Variants in PPARA observed in about 807,000 individuals in gnomAD.
PPARA encodes peroxisome proliferator-activated receptor alpha.
In PPARA, 22 loss-of-function variants were observed where a neutral mutation model predicts 42.2. The observed-to-expected ratio is 0.52, with a 90% CI of 0.37 to 0.74. The LOEUF (loss-of-function observed/expected upper bound fraction) is 0.74, where lower values mean the gene tolerates loss of function less well. Ranked by LOEUF, PPARA falls within the 30% of genes least tolerant of loss-of-function variation. The pLI, the probability that PPARA is intolerant of heterozygous loss-of-function variation, is 0.00. For synonymous variants in PPARA, 242 were observed against 239.3 expected (o/e 1.01, Z -0.10); for missense variants, 465 against 608.2 (o/e 0.76, Z 2.48).
intron 3 of PPARA, among the ~76,000 whole-genome samples, chr22:46,178,479 GGA>G (rs1246848055): frequency 9.9e-5 from 15 of 152,230 alleles, no homozygotes; most frequent in African/African-American, 3.6e-4. Context: ...TGCAGTGCAG[GGA>G]GAGGGGAAAC....
At chr22:46,201,647 C>T (rs753740905) in intron 4 of PPARA, among the ~76,000 whole-genome samples, 9 of 152,106 alleles carry the variant, frequency 5.9e-5, no homozygotes, top group Admixed American at 1.3e-4. Flanking sequence ...CCTCACACCT[C>T]GGCTTGCCTA....
In PPARA at chr22:46,170,125, A is replaced by G. The variant is rs1336742888; in HGVS notation, c.-126-6628A>G. On this transcript the variant is annotated intron_variant, in intron 2 of 8. Transcript: ENST00000407236. ...GCATTCATCTTTGTTTTTTTTTTTT[A>G]GAAAAACATTTGTTCTGCAACCAGT... Among the ~76,000 whole-genome samples, 3 of 145,414 alleles carry G rather than the reference A, an allele frequency of 2.1e-5. No homozygotes were observed. In the East Asian group the frequency reaches 6.1e-4, roughly 29 times the overall value.
chr22:46,235,989 T>A lies in PPARA; in HGVS notation c.*609T>A. ...TTGGGCCAGGCACAGTCGCTCATACTTGTAATCCCAGCACTTTGGGAGGCC... is the reference window on the plus strand; with the variant it reads ...TTGGGCCAGGCACAGTCGCTCATACATGTAATCCCAGCACTTTGGGAGGCC... On this transcript the variant is annotated 3_prime_UTR_variant, in exon 9 of 9. Transcript: ENST00000407236. The surrounding 1 kb of genome is among the most constrained non-coding windows in gnomAD (Gnocchi z 7.0). 1 of 157,208 alleles carries A rather than the reference T, an allele frequency of 6.4e-6. No individual in the cohort carries two copies. Among genetic ancestry groups the A allele is most frequent in the Non-Finnish European group, 1.4e-5 (1 of 71,022 alleles). 9.7% of individuals were successfully genotyped at this position (157,208 alleles called of 1,614,324 possible). A position where few individuals can be genotyped will look rare whatever the true frequency, so the allele number is the denominator to read the frequency against.
rs1240772516 is a variant in PPARA, at chr22:46,231,220, AT to A, written c.712-556del. ...TACAGGCACACACTATGCCTGGCTA[AT>A]TTTTTTTTTTTTTTTGAGACGGAGT... On this transcript the variant is annotated intron_variant, in intron 7 of 8. Coordinates refer to ENST00000407236, the MANE Select transcript of PPARA (RefSeq NM_005036.6). The surrounding 1 kb of genome is among the most constrained non-coding windows in gnomAD (Gnocchi z 7.7). 0.014 allele frequency among the ~76,000 whole-genome samples: 1,776 copies of A among 129,814 alleles called. 13 individuals are homozygous for A. The highest frequency in any genetic ancestry group is 0.03 in the Middle Eastern group (7 of 230). The allele number at this position is 129,814 out of a possible 152,430, so 85.2% of individuals were successfully genotyped here. A position where few individuals can be genotyped will look rare whatever the true frequency, so the allele number is the denominator to read the frequency against.
Position 46,233,204 on chromosome 22 carries a change from A to G in PPARA, c.1159+965A>G, listed in dbSNP as rs974600856. Among the ~76,000 whole-genome samples the G allele has an allele frequency of 1.3e-5, 2 of 152,108 alleles. No individual in the cohort carries two copies. The highest frequency in any genetic ancestry group is 2.9e-5 in the Non-Finnish European group (2 of 68,024). ...TATGTTGATGAAAAGTATATTTCCT[A>G]ATGCAAAATATAATATCAGTCAGCA... On this transcript the variant is annotated intron_variant, in intron 8 of 8. Transcript: ENST00000407236. The surrounding 1 kb of genome is among the most constrained non-coding windows in gnomAD (Gnocchi z 7.3).
chr22:46,220,998 A>G (rs113596174), intron 7 of PPARA, among the ~76,000 whole-genome samples: 556 of 152,204 alleles, frequency 3.7e-3, no homozygotes, highest in African/African-American at 0.012. Flanking sequence ...TTAGTCTGCT[A>G]TAAAGAAATC....
In PPARA at chr22:46,230,211, A is replaced by T. The variant is rs1001012455; in HGVS notation, c.712-1581A>T. Among the ~76,000 whole-genome samples, 1 of 152,160 alleles carries T rather than the reference A, an allele frequency of 6.6e-6. No individual in the cohort carries two copies. The highest frequency in any genetic ancestry group is 2.4e-5 in the African/African-American group (1 of 41,444). On this transcript the variant is annotated intron_variant, in intron 7 of 8. Coordinates refer to ENST00000407236, the MANE Select transcript of PPARA (RefSeq NM_005036.6). The surrounding 1 kb of genome is among the most constrained non-coding windows in gnomAD (Gnocchi z 5.0). ...ACATGGTGTAACCCCGTCTCTACTA[A>T]AAATACAAAATTAGCTGGGCGTGGT... is the stretch of plus-strand genomic sequence containing the variant.
At position 46,182,941 on chromosome 22, in the gene PPARA, C is replaced by T. The variant is rs117979629; in HGVS notation, c.-43+6105C>T. Among the ~76,000 whole-genome samples, 318 of 152,192 alleles carry T rather than the reference C, an allele frequency of 2.1e-3. No individual in the cohort carries two copies. The highest frequency in any genetic ancestry group is 3.8e-3 in the Admixed American group (58 of 15,272). ...TCTATTTTTAGTAAAGACAGGGTTT[C>T]GCCATGATTGCCAGGCTGGTCTTGA... On this transcript the variant is annotated intron_variant, in intron 3 of 8. Transcript: ENST00000407236. The surrounding 1 kb of genome is among the most constrained non-coding windows in gnomAD (Gnocchi z 5.2).
Position 46,222,740 on chromosome 22 carries a change from C to G in PPARA, c.711+2726C>G, listed in dbSNP as rs1269614901. On this transcript the variant is annotated intron_variant, in intron 7 of 8. Transcript: ENST00000407236. The surrounding 1 kb of genome is among the most constrained non-coding windows in gnomAD (Gnocchi z 5.9). ...CTTGGATTTCAGAATTGAAAGCAGG[C>G]TGGGCACAGTGGCTCACACTGTAAT... 1.3e-5 allele frequency among the ~76,000 whole-genome samples: 2 copies of G among 152,194 alleles called. No homozygotes were observed. The highest frequency in any genetic ancestry group is 4.8e-5 in the African/African-American group (2 of 41,452).
chr22:46,181,462 C>T (rs549565103), intron 3 of PPARA, among the ~76,000 whole-genome samples: 32 of 152,106 alleles, frequency 2.1e-4, no homozygotes, highest in South Asian at 1.5e-3. Context: ...CAGTCTGGAA[C>T]GAAAGTGAGA....
intron 2 of PPARA, among the ~76,000 whole-genome samples, chr22:46,176,372 G>A (rs1030939061): frequency 6.6e-6 from 1 of 151,542 alleles, no homozygotes; most frequent in African/African-American, 2.4e-5. Context: ...TGCAATCCCA[G>A]CTACTTTGGA....
chr22:46,195,063 C>T lies in PPARA; in HGVS notation c.-42-3279C>T, dbSNP rs1196701170. Among the ~76,000 whole-genome samples, 1 of 148,392 alleles carries T rather than the reference C, an allele frequency of 6.7e-6. No individual in the cohort carries two copies. Among genetic ancestry groups the T allele is most frequent in the Non-Finnish European group, 1.5e-5 (1 of 67,264 alleles). On this transcript the variant is annotated intron_variant, in intron 3 of 8. Coordinates refer to ENST00000407236, the MANE Select transcript of PPARA (RefSeq NM_005036.6). This position sits in a 1 kb window ranked among gnomAD's most constrained non-coding sequence, Gnocchi z 4.6. The stretch of plus-strand genomic sequence containing the variant: ...GATTACAGGCGCCTACCACCACGCC[C>T]GGCTAATTTTTGTATTTTTAGTAGA...
In PPARA at chr22:46,169,841, GA is replaced by G. The variant is rs1927713007; in HGVS notation, c.-126-6908del. 1.3e-5 allele frequency among the ~76,000 whole-genome samples: 2 copies of G among 151,958 alleles called. 1 individual carries two copies. Among genetic ancestry groups the G allele is most frequent in the Admixed American group, 1.3e-4 (2 of 15,204 alleles). On this transcript the variant is annotated intron_variant, in intron 2 of 8. Transcript: ENST00000407236. ...ATTAGGAAGGTGTCAGTCATCTTAA[GA>G]AAAGCCTCATGTGTCACACAAGGGA... is the stretch of plus-strand genomic sequence containing the variant.
chr22:46,195,739 C>A lies in PPARA; in HGVS notation c.-42-2603C>A, dbSNP rs989980436. On this transcript the variant is annotated intron_variant, in intron 3 of 8. Coordinates refer to ENST00000407236, the MANE Select transcript of PPARA (RefSeq NM_005036.6). This position sits in a 1 kb window ranked among gnomAD's most constrained non-coding sequence, Gnocchi z 4.6. ...GTATTCTTTACTCTATCTGGAGAGT[C>A]TGGCGTTCCGTAATCACCATGTGAT... is the stretch of plus-strand genomic sequence containing the variant. 2.6e-5 allele frequency among the ~76,000 whole-genome samples: 4 copies of A among 152,164 alleles called. No homozygotes were observed. Among genetic ancestry groups the A allele is most frequent in the African/African-American group, 9.7e-5 (4 of 41,448 alleles).
chr22:46,235,637 T>A lies in PPARA; in HGVS notation c.*257T>A. ...GATTACGGCGAATTATGCTCAATGG[T>A]CTGATTTTAACTCACCCGATGTTAA... On this transcript the variant is annotated 3_prime_UTR_variant, in exon 9 of 9. Transcript: ENST00000407236. This position sits in a 1 kb window ranked among gnomAD's most constrained non-coding sequence, Gnocchi z 7.0. 1 of 517,128 alleles carries A rather than the reference T, an allele frequency of 1.9e-6. No homozygotes were observed. Among genetic ancestry groups the A allele is most frequent in the Non-Finnish European group, 3.5e-6 (1 of 285,118 alleles). The allele number at this position is 517,128 out of a possible 1,614,324, so 32.0% of individuals were successfully genotyped here.
chr22:46,237,070 G>A lies in PPARA; in HGVS notation c.*1690G>A, dbSNP rs1936239432. 1 of 152,096 alleles carries A rather than the reference G, an allele frequency of 6.6e-6. No homozygotes were observed. Among genetic ancestry groups the A allele is most frequent in the Non-Finnish European group, 1.5e-5 (1 of 68,030 alleles). 9.4% of individuals were successfully genotyped at this position (152,096 alleles called of 1,614,324 possible). On this transcript the variant is annotated 3_prime_UTR_variant, in exon 9 of 9. Coordinates refer to ENST00000407236, the MANE Select transcript of PPARA (RefSeq NM_005036.6). The surrounding 1 kb of genome is among the most constrained non-coding windows in gnomAD (Gnocchi z 6.7). ...GGAACTGCCAGGACCACCGCCTCCA[G>A]GGAGTCGCTGGGCACCTGGAGGTAT...
At chr22:46,213,868 C>A (rs984551499) in intron 4 of PPARA, among the ~76,000 whole-genome samples, 1 of 152,182 alleles carries the variant, frequency 6.6e-6, no homozygotes, top group Non-Finnish European at 1.5e-5. Context: ...GGATTACAGG[C>A]GTGAGCCACC....
chr22:46,187,761 C>A lies in PPARA; in HGVS notation c.-42-10581C>A, dbSNP rs1167297423. 4.6e-5 allele frequency among the ~76,000 whole-genome samples: 7 copies of A among 152,248 alleles called. No individual in the cohort carries two copies. Among genetic ancestry groups the A allele is most frequent in the Non-Finnish European group, 8.8e-5 (6 of 68,052 alleles). On this transcript the variant is annotated intron_variant, in intron 3 of 8. Coordinates refer to ENST00000407236, the MANE Select transcript of PPARA (RefSeq NM_005036.6). This position sits in a 1 kb window ranked among gnomAD's most constrained non-coding sequence, Gnocchi z 4.9. The stretch of plus-strand genomic sequence containing the variant: ...ACCTCTGCAGACTCACCTCTTGCCA[C>A]TTCTCCCTTGAGGTAGATCAAAAAT...
chr22:46,231,916 C>T lies in PPARA; in HGVS notation c.836C>T (p.Thr279Met), dbSNP rs756672001. 16 of 1,614,112 alleles carry T rather than the reference C, an allele frequency of 9.9e-6. No individual in the cohort carries two copies. The highest frequency in any genetic ancestry group is 2.7e-5 in the African/African-American group (2 of 74,944). Residue 279 changes from threonine to methionine, a missense_variant, in exon 8 of 9, where the codon ACG (threonine) becomes ATG (methionine). Around this residue, in one of 2 missense-constraint regions of PPARA, gnomAD observed 313 missense variants for 469.1 expected, o/e 0.67. Transcript: ENST00000407236. The surrounding 1 kb of genome is among the most constrained non-coding windows in gnomAD (Gnocchi z 7.7). The part of the protein sequence containing the change: ...EVRIFHCCQC[T>M]SVETVTELTE... ...CGCATCTTTCACTGCTGCCAGTGCA[C>T]GTCAGTGGAGACCGTCACGGAGCTC...
Sources: gnomAD v4.1 joint callset for allele counts (sites outside exome capture counted in the v4.1 genomes callset) on GRCh38, gnomAD v4.1.1 for gene constraint, gnomAD v4.1.1 regional missense constraint, Gnocchi (gnomAD v3.1) non-coding constraint, MANE v1.5 for transcripts, NCBI Gene and HGNC (gene_info 2026-07-23, HGNC 2026-07-21) for gene names.